ARL14EPL: variants seen among roughly 807,000 people sequenced by gnomAD.
ARL14EPL encodes the protein ARF like GTPase 14 effector protein like, also known as ARL14 effector protein-like.
A neutral mutation model predicts 15.9 loss-of-function variants in ARL14EPL; 17 were observed. That is an observed-to-expected ratio of 1.07 (90% CI 0.73 to 1.60). ARL14EPL has a LOEUF of 1.60. Among genes scored for constraint, ARL14EPL ranks in the 40% most tolerant of loss-of-function variants. The pLI is 0.00. For missense variants in ARL14EPL, 214 were observed against 185.9 expected, an observed-to-expected ratio of 1.15 and a Z score of -0.88; for synonymous variants, 78 against 63.8, an observed-to-expected ratio of 1.22 and a Z score of -1.06.
At chr5:116,043,828 T>C (rs910593792) in intron 1 of ARL14EPL, among the ~76,000 whole-genome samples, 1 of 152,196 alleles carries the variant, frequency 6.6e-6, no homozygotes, top group African/African-American at 2.4e-5. Context: ...CATTACTACC[T>C]TTGCCTTCGG....
chr5:116,050,895 TAGA>T (rs1749363309), intron 1 of ARL14EPL, among the ~76,000 whole-genome samples: 2 of 151,462 alleles, frequency 1.3e-5, no homozygotes, highest in South Asian at 4.2e-4. Flanking sequence ...TGAAGTAATT[TAGA>T]AGAAGTAAGT....
intron 1 of ARL14EPL, among the ~76,000 whole-genome samples, chr5:116,034,332 T>C (rs1691757525): frequency 6.6e-6 from 1 of 152,170 alleles, no homozygotes; most frequent in Non-Finnish European, 1.5e-5. Context: ...AGAATACCTA[T>C]GGTTTCTTCC....
At chr5:116,043,883 G>T (rs1749214038) in intron 1 of ARL14EPL, among the ~76,000 whole-genome samples, 1 of 152,034 alleles carries the variant, frequency 6.6e-6, no homozygotes, top group Non-Finnish European at 1.5e-5. Context: ...TAGTACATTA[G>T]CAAAACTCCC....
At chr5:116,046,918 G>A (rs1749278087) in intron 1 of ARL14EPL, among the ~76,000 whole-genome samples, 1 of 152,112 alleles carries the variant, frequency 6.6e-6, no homozygotes, top group African/African-American at 2.4e-5. Context: ...GGCCTAATCT[G>A]ATAGAATTGC....
intron 1 of ARL14EPL, among the ~76,000 whole-genome samples, chr5:116,042,753 T>A (rs931759513): frequency 1.3e-5 from 2 of 152,162 alleles, no homozygotes; most frequent in Non-Finnish European, 2.9e-5. Flanking sequence ...AGCCAGCAAC[T>A]TTTTAATTAT....
intron 2 of ARL14EPL, among the ~76,000 whole-genome samples, chr5:116,052,650 T>C (rs181972855): frequency 1.4e-4 from 21 of 151,408 alleles, no homozygotes; most frequent in Admixed American, 4.6e-4. Context: ...TAACCATATC[T>C]AATGCAGAAC....
At chr5:116,034,409 T>G (rs932001668) in intron 1 of ARL14EPL, among the ~76,000 whole-genome samples, 2 of 152,150 alleles carry the variant, frequency 1.3e-5, no homozygotes, top group African/African-American at 2.4e-5. Context: ...CACTAGAGGG[T>G]GGCCTCAGTA....
At chr5:116,040,005 A>G (rs887745223) in intron 1 of ARL14EPL, among the ~76,000 whole-genome samples, 2 of 152,180 alleles carry the variant, frequency 1.3e-5, no homozygotes, top group African/African-American at 4.8e-5. Context: ...CATTATTTTA[A>G]TGACTACTTC....
At chr5:116,036,927 T>C (rs1203997434) in intron 1 of ARL14EPL, among the ~76,000 whole-genome samples, 1 of 129,130 alleles carries the variant, frequency 7.7e-6, no homozygotes, top group East Asian at 2.3e-4. Context: ...TAAAGGCAAT[T>C]AAAGATTTTT....
At chr5:116,034,846 G>C (rs1749020276) in intron 1 of ARL14EPL, among the ~76,000 whole-genome samples, 1 of 152,188 alleles carries the variant, frequency 6.6e-6, no homozygotes, top group Non-Finnish European at 1.5e-5. Flanking sequence ...TGTTAAACAA[G>C]TATTAGAGAA....
chr5:116,036,861 A>G (rs1165427896), intron 1 of ARL14EPL, among the ~76,000 whole-genome samples: 1 of 152,178 alleles, frequency 6.6e-6, no homozygotes, highest in African/African-American at 2.4e-5. Flanking sequence ...AATTTGTGAA[A>G]ACATCAGTAC....
At chr5:116,047,678 A>G (rs1311058370) in intron 1 of ARL14EPL, among the ~76,000 whole-genome samples, 1 of 152,214 alleles carries the variant, frequency 6.6e-6, no homozygotes, top group Non-Finnish European at 1.5e-5. Context: ...CCTTCTGGGT[A>G]TAAGGCAGGA....
Position 116,039,007 on chromosome 5 carries a change from T to C in ARL14EPL, c.-10+6502T>C, listed in dbSNP as rs1749099881. On this transcript the variant is annotated intron_variant, in intron 1 of 3. Coordinates refer to ENST00000686077, the MANE Select transcript of ARL14EPL (RefSeq NM_001195581.2). Reference sequence around the variant, plus strand: ...GAGGAAATGAAGCAGAATGAGGAAATGCACAGACAAACCGCCCTTGCTGTC... The same window carrying C: ...GAGGAAATGAAGCAGAATGAGGAAACGCACAGACAAACCGCCCTTGCTGTC... 3.9e-5 allele frequency among the ~76,000 whole-genome samples: 6 copies of C among 152,168 alleles called. No homozygotes were observed. In the South Asian group the frequency reaches 1.2e-3, roughly 32 times the overall value.
At chr5:116,038,876 A>C (rs1249335773) in intron 1 of ARL14EPL, among the ~76,000 whole-genome samples, 3 of 152,134 alleles carry the variant, frequency 2.0e-5, no homozygotes, top group African/African-American at 4.8e-5. Flanking sequence ...GGGAGGCAGA[A>C]CCTTCCAAAA....
intron 2 of ARL14EPL, 144 bp from the exon 3 acceptor site, chr5:116,053,870 T>C: frequency 3.3e-6 from 2 of 612,926 alleles, no homozygotes; most frequent in Non-Finnish European, 5.0e-6. Flanking sequence ...GAAACTTAAT[T>C]AGATTAAATC....
chr5:116,054,635 T>C (rs1749471913), intron 3 of ARL14EPL, among the ~76,000 whole-genome samples: 1 of 152,074 alleles, frequency 6.6e-6, no homozygotes, highest in Admixed American at 6.5e-5. Flanking sequence ...ATCTAGACCA[T>C]CCTGGCTAAC....
chr5:116,035,824 G>T (rs1275903801), intron 1 of ARL14EPL, among the ~76,000 whole-genome samples: 1 of 152,164 alleles, frequency 6.6e-6, no homozygotes, highest in Non-Finnish European at 1.5e-5. Flanking sequence ...TATCTCTGTG[G>T]GGAACATACT....
intron 1 of ARL14EPL, among the ~76,000 whole-genome samples, chr5:116,050,837 A>G (rs1003679312): frequency 6.0e-5 from 9 of 151,260 alleles, no homozygotes; most frequent in Non-Finnish European, 1.2e-4. Flanking sequence ...ATGCACACAC[A>G]CACACACACA....
chr5:116,048,046 A>T (rs1488283711), intron 1 of ARL14EPL, among the ~76,000 whole-genome samples: 1 of 152,136 alleles, frequency 6.6e-6, no homozygotes, highest in African/African-American at 2.4e-5. Context: ...TTCTATTCTG[A>T]CCCAAGCCTG....
Sources: gnomAD v4.1 joint callset for allele counts (sites outside exome capture counted in the v4.1 genomes callset) on GRCh38, gnomAD v4.1.1 for gene constraint, MANE v1.5 for transcripts, NCBI Gene and HGNC (gene_info 2026-07-23, HGNC 2026-07-21) for gene names.